The following TRRAP variants were observed in gnomAD, a reference collection of about 807,000 sequenced individuals.
The protein encoded by TRRAP is transformation/transcription domain associated protein.
TRRAP carries 41 observed loss-of-function variants against 438.8 expected under a neutral mutation model. The ratio of observed to expected loss-of-function variants is 0.09; its 90% confidence interval spans 0.07 to 0.12. The LOEUF is 0.12. Among genes scored for constraint, TRRAP ranks in the 10% least tolerant of loss-of-function variants. The pLI is 1.00. For synonymous variants in TRRAP, 1,994 were observed against 1,962.9 expected, an observed-to-expected ratio of 1.02 and a Z score of -0.42; for missense variants, 3,122 against 5,055.1, an observed-to-expected ratio of 0.62 and a Z score of 11.60.
In TRRAP at chr7:98,949,741, G is replaced by A. The variant is rs1554417758; in HGVS notation, c.5035G>A (p.Val1679Met). Reference sequence around the variant, plus strand: ...GGTGAGCCAGTTGCGACGTGTGTGGGTGAGTGAGAACTTCCAAGAGAGGCA... The same window carrying A: ...GGTGAGCCAGTTGCGACGTGTGTGGATGAGTGAGAACTTCCAAGAGAGGCA... ...SLVSQLRRVW[V>M]SENFQERHRK... Residue 1679 changes from valine to methionine, a missense_variant, in exon 37 of 73, where the codon GTG (valine) becomes ATG (methionine). Coordinates refer to ENST00000456197, the MANE Select transcript of TRRAP (RefSeq NM_001375524.1). 4 of 1,613,960 alleles carry A rather than the reference G, an allele frequency of 2.5e-6. No individual in the cohort carries two copies. The highest frequency in any genetic ancestry group is 2.2e-5 in the East Asian group (1 of 44,880).
intron 61 of TRRAP, 46 bp downstream of exon 61, chr7:98,984,404 C>G (rs905247594): frequency 1.0e-5 from 15 of 1,481,874 alleles, no homozygotes; most frequent in South Asian, 7.3e-5. Flanking sequence ...GAGATTGAGG[C>G]CAGGTGGAGA....
intron 14 of TRRAP, 42 bp downstream of exon 14, chr7:98,909,004 C>A (rs1554408071): frequency 1.3e-6 from 2 of 1,501,470 alleles, no homozygotes; most frequent in East Asian, 2.4e-5. Context: ...TGCACTCTAT[C>A]CTGTTTGTGG....
At position 98,930,191 on chromosome 7, in the gene TRRAP, G is replaced by A. The variant is rs373817156; in HGVS notation, c.3378G>A (p.Leu1126=). ...AVIFDVASII[L]GSKERACQLP... ...TATTTGATGTTGCAAGTATCATCCT[G>A]GGCTCCAAGGAGAGGGTAAGGAAGG... Residue 1126 remains leucine, a synonymous_variant, in exon 24 of 73, where the codon CTG becomes CTA. Coordinates refer to ENST00000456197, the MANE Select transcript of TRRAP (RefSeq NM_001375524.1). 2.8e-5 allele frequency: 45 copies of A among 1,614,156 alleles called. No individual in the cohort carries two copies. Among genetic ancestry groups the A allele is most frequent in the African/African-American group, 1.6e-4 (12 of 75,030 alleles).
At chr7:98,962,476 TTC>T (rs751115192) in intron 47 of TRRAP, 49 bp downstream of exon 47, 3 of 1,611,828 alleles carry the variant, frequency 1.9e-6, no homozygotes, top group Admixed American at 3.3e-5. Flanking sequence ...TTTGGCCTCT[TTC>T]CCCGCTCACT....
At chr7:98,886,796 C>T (rs77346253) in intron 3 of TRRAP, among the ~76,000 whole-genome samples, 5,384 of 152,250 alleles carry the variant, frequency 0.035, 143 homozygotes, top group South Asian at 0.059. Context: ...AAAATAAACC[C>T]TCAGGTTAGG....
At chr7:98,986,193 A>G (rs1247770875) in intron 62 of TRRAP, among the ~76,000 whole-genome samples, 1 of 152,144 alleles carries the variant, frequency 6.6e-6, no homozygotes, top group African/African-American at 2.4e-5. Flanking sequence ...GCAGCAGTTG[A>G]TGGATGTGTG....
At position 98,956,454 on chromosome 7, in the gene TRRAP, C is replaced by T. The variant is rs1167900952; in HGVS notation, c.6152C>T (p.Ser2051Phe). ...GGAGAAGGAGTCAATTCTGTCTCAT[C>T]CTCCATTAAGAGAGGCCTGTCCGTG... is the stretch of plus-strand genomic sequence containing the variant. ...SSGEGVNSVS[S>F]SIKRGLSVDS... The change falls in exon 43 of 73, where the codon TCC becomes TTC. Residue 2051 changes from serine (S) to phenylalanine (F), a missense_variant. By Grantham distance (155) the Ser-to-Phe change is radical. Transcript: ENST00000456197. This position sits in a 1 kb window ranked among gnomAD's most constrained non-coding sequence, Gnocchi z 4.5. 5.6e-6 allele frequency: 9 copies of T among 1,614,114 alleles called. No homozygotes were observed. The highest frequency in any genetic ancestry group is 4.0e-5 in the African/African-American group (3 of 74,938).
intron 18 of TRRAP, among the ~76,000 whole-genome samples, chr7:98,912,579 G>A (rs1450308598): frequency 1.3e-5 from 2 of 151,844 alleles, no homozygotes; most frequent in Non-Finnish European, 2.9e-5. Context: ...GAACTCTTAC[G>A]GTAAGCAAGT....
At chr7:98,942,215 C>T (rs1420068846) in intron 30 of TRRAP, among the ~76,000 whole-genome samples, 1 of 152,204 alleles carries the variant, frequency 6.6e-6, no homozygotes, top group African/African-American at 2.4e-5. Flanking sequence ...AAGCATGGCC[C>T]TCATTCTGCA....
chr7:98,973,366 T>C (rs1171851213), intron 53 of TRRAP, among the ~76,000 whole-genome samples: 2 of 152,176 alleles, frequency 1.3e-5, no homozygotes, highest in Non-Finnish European at 2.9e-5. Flanking sequence ...CCATGACACA[T>C]CACCACGTCA....
chr7:98,970,041 GGAGAGA>G, intron 51 of TRRAP, 65 bp from the exon 52 acceptor site: 2 of 1,558,110 alleles, frequency 1.3e-6, no homozygotes, highest in African/African-American at 1.4e-5. Flanking sequence ...GGGGCATCTG[GGAGAGA>G]AGTCCAGATG....
At chr7:98,973,913 T>C (rs1202092058) in intron 53 of TRRAP, among the ~76,000 whole-genome samples, 1 of 152,090 alleles carries the variant, frequency 6.6e-6, no homozygotes, top group African/African-American at 2.4e-5. Flanking sequence ...GGTACTTGGG[T>C]GTGATTTAAT....
At chr7:98,913,646 A>G (rs1226495353) in intron 18 of TRRAP, among the ~76,000 whole-genome samples, 2 of 152,174 alleles carry the variant, frequency 1.3e-5, no homozygotes, top group Non-Finnish European at 2.9e-5. Context: ...TAAATGACAC[A>G]TTTCAGGACT....
chr7:98,946,439 C>T (rs1008709839), intron 33 of TRRAP, among the ~76,000 whole-genome samples: 4 of 151,422 alleles, frequency 2.6e-5, no homozygotes, highest in Non-Finnish European at 4.4e-5. Context: ...GCACACACAC[C>T]GATGCACTCA....
chr7:98,929,288 A>G (rs558619638), intron 23 of TRRAP, among the ~76,000 whole-genome samples: 4 of 152,178 alleles, frequency 2.6e-5, no homozygotes, highest in Admixed American at 2.0e-4. Context: ...GCATCTCATT[A>G]TGTTGCTCAG....
intron 64 of TRRAP, among the ~76,000 whole-genome samples, chr7:98,991,098 G>T (rs1276078457): frequency 1.3e-5 from 2 of 152,220 alleles, no homozygotes; most frequent in African/African-American, 4.8e-5. Flanking sequence ...CTCAAGGGCA[G>T]TGGGGCCAGG....
rs549091158 is a variant in TRRAP at position 98,886,441 on chromosome 7, T to C, written c.151-3894T>C. Reference sequence around the variant, plus strand: ...ATATGGATATCTAGAGAGATATAGATATCTAGATAGATATAGATATCTAGA... The same window carrying C: ...ATATGGATATCTAGAGAGATATAGACATCTAGATAGATATAGATATCTAGA... On this transcript the variant is annotated intron_variant, in intron 3 of 72. Transcript: ENST00000456197. 2.7e-3 allele frequency among the ~76,000 whole-genome samples: 405 copies of C among 151,634 alleles called. 4 individuals carry two copies. Among genetic ancestry groups the C allele is most frequent in the South Asian group, 0.017 (81 of 4,778 alleles).
At chr7:98,977,174 T>G in intron 56 of TRRAP, 98 bp downstream of exon 56, 3 of 1,532,122 alleles carry the variant, frequency 2.0e-6, no homozygotes, top group Non-Finnish European at 1.8e-6. Context: ...CACGTTCTCT[T>G]TTTTTGAGAT....
At chr7:98,946,003 C>G in intron 33 of TRRAP, 53 bp downstream of exon 33, 1 of 1,390,084 alleles carries the variant, frequency 7.2e-7, no homozygotes, top group Admixed American at 2.8e-5. Context: ...GCTGGTTTTG[C>G]TGTGACTCGT....
Sources: gnomAD v4.1 joint callset for allele counts (sites outside exome capture counted in the v4.1 genomes callset) on GRCh38, gnomAD v4.1.1 for gene constraint, Gnocchi (gnomAD v3.1) non-coding constraint, MANE v1.5 for transcripts, NCBI Gene and HGNC (gene_info 2026-07-23, HGNC 2026-07-21) for gene names.